TANC2: variants seen among roughly 807,000 people sequenced by gnomAD.
TANC2 encodes protein TANC2.
A neutral mutation model predicts 210.5 loss-of-function variants in TANC2; 26 were observed. The observed-to-expected ratio is 0.12, with a 90% confidence interval of 0.09 to 0.17. The LOEUF (loss-of-function observed/expected upper bound fraction) is 0.17. TANC2 is among the 10% of genes least tolerant of loss of function. The pLI is 1.00. For missense variants in TANC2, 2,129 were observed against 2,608.9 expected (o/e 0.82, Z 4.01); for synonymous variants, 931 against 967.1 (o/e 0.96, Z 0.69).
At chr17:62,988,622 A>G (rs557138619) in intron 1 of TANC2, among the ~76,000 whole-genome samples, 14 of 152,234 alleles carry the variant, frequency 9.2e-5, no homozygotes, top group Non-Finnish European at 1.8e-4. Flanking sequence ...GTATTAAGGC[A>G]TGGTAACAGT....
chr17:63,373,864 C>T (rs1331286030), intron 14 of TANC2, among the ~76,000 whole-genome samples: 1 of 151,954 alleles, frequency 6.6e-6, no homozygotes, highest in Non-Finnish European at 1.5e-5. Context: ...GCCCATAATC[C>T]CAGCTACTTG....
intron 5 of TANC2, among the ~76,000 whole-genome samples, chr17:63,162,310 A>G (rs956111782): frequency 1.3e-5 from 2 of 151,888 alleles, no homozygotes; most frequent in African/African-American, 4.8e-5. Context: ...CTGGAAAAAA[A>G]AAAAACAAAA....
At chr17:63,330,781 T>A (rs544820873) in intron 11 of TANC2, among the ~76,000 whole-genome samples, 1 of 152,286 alleles carries the variant, frequency 6.6e-6, no homozygotes, top group African/African-American at 2.4e-5. Flanking sequence ...TGATAATAAA[T>A]ATCTAAAATG....
intron 7 of TANC2, among the ~76,000 whole-genome samples, chr17:63,229,187 A>G (rs900084838): frequency 1.3e-5 from 2 of 152,176 alleles, no homozygotes; most frequent in Non-Finnish European, 2.9e-5. Flanking sequence ...TGAAATGATC[A>G]TGTGGTTTTT....
chr17:63,389,824 G>C (rs1019839137), intron 17 of TANC2: 12 of 405,526 alleles, frequency 3.0e-5, no homozygotes, highest in African/African-American at 2.4e-4. Flanking sequence ...GATCTATTGA[G>C]CTCAGAAGAA....
intron 12 of TANC2, among the ~76,000 whole-genome samples, chr17:63,349,302 T>C (rs1194001453): frequency 6.6e-6 from 1 of 152,224 alleles, no homozygotes; most frequent in East Asian, 1.9e-4. Flanking sequence ...TTCATTAAAA[T>C]GTCTGGACCA....
At chr17:63,370,921 C>A (rs1418058569) in intron 14 of TANC2, among the ~76,000 whole-genome samples, 1 of 152,198 alleles carries the variant, frequency 6.6e-6, no homozygotes, top group African/African-American at 2.4e-5. Context: ...AAGGAAGCCA[C>A]TTGCCAACAA....
intron 7 of TANC2, 142 bp downstream of exon 7, chr17:63,201,099 G>A: frequency 1.5e-6 from 1 of 670,990 alleles, no homozygotes. Flanking sequence ...TAATGATGCT[G>A]GAGAGAGAAA....
chr17:63,099,224 C>G (rs370460475), exon 4 of TANC2: 1 of 1,609,602 alleles, frequency 6.2e-7, no homozygotes, highest in Non-Finnish European at 8.5e-7. Flanking sequence ...ACTACGCTGT[C>G]CCGCCACTTC....
chr17:63,332,077 T>A, intron 11 of TANC2: 1 of 333,692 alleles, frequency 3.0e-6, no homozygotes, highest in South Asian at 3.0e-5. Flanking sequence ...TCTTCCTGAA[T>A]AATTTCATCC....
At chr17:62,979,940 T>C (rs1473936292) in intron 1 of TANC2, among the ~76,000 whole-genome samples, 1 of 152,178 alleles carries the variant, frequency 6.6e-6, no homozygotes, top group Non-Finnish European at 1.5e-5. Context: ...AATGAGTGAA[T>C]GGCAGCTTGC....
At chr17:63,056,735 C>CT (rs1380292723) in intron 2 of TANC2, among the ~76,000 whole-genome samples, 1 of 152,072 alleles carries the variant, frequency 6.6e-6, no homozygotes. Context: ...AAATTGGTGA[C>CT]TTTTTTTGTC....
intron 8 of TANC2, among the ~76,000 whole-genome samples, chr17:63,240,287 G>A (rs559199894): frequency 6.6e-6 from 1 of 152,164 alleles, no homozygotes; most frequent in African/African-American, 2.4e-5. Flanking sequence ...CTTAGTAGAA[G>A]ACAAAGAAGC....
chr17:63,080,743 A>G (rs1382556853), intron 3 of TANC2, among the ~76,000 whole-genome samples: 1 of 152,210 alleles, frequency 6.6e-6, no homozygotes, highest in Non-Finnish European at 1.5e-5. Context: ...AACTGTGGTT[A>G]ATTACGTAGA....
At chr17:63,266,272 T>C (rs1340832374) in intron 8 of TANC2, among the ~76,000 whole-genome samples, 2 of 152,202 alleles carry the variant, frequency 1.3e-5, no homozygotes, top group Admixed American at 1.3e-4. Flanking sequence ...CTACATTCTT[T>C]AGTAAAATGT....
intron 14 of TANC2, among the ~76,000 whole-genome samples, chr17:63,363,195 T>A (rs1332075358): frequency 6.6e-6 from 1 of 152,240 alleles, no homozygotes; most frequent in Non-Finnish European, 1.5e-5. Flanking sequence ...TGCCCATTTT[T>A]AAATCATATT....
chr17:63,004,817 C>T, intron 1 of TANC2: 1 of 332,194 alleles, frequency 3.0e-6, no homozygotes, highest in South Asian at 2.8e-5. Flanking sequence ...TCTTTCCTTT[C>T]TTTACCAAGG....
At chr17:63,015,109 G>A (rs970435059) in intron 2 of TANC2, among the ~76,000 whole-genome samples, 1 of 149,932 alleles carries the variant, frequency 6.7e-6, no homozygotes, top group African/African-American at 2.5e-5. Flanking sequence ...CTTATTTTTG[G>A]GGTTAATAAG....
At chr17:63,035,387 T>G (rs1182386181) in intron 2 of TANC2, among the ~76,000 whole-genome samples, 1 of 152,226 alleles carries the variant, frequency 6.6e-6, no homozygotes, top group Non-Finnish European at 1.5e-5. Flanking sequence ...GTGACTCGCT[T>G]TATTGCGATC....
Sources: gnomAD v4.1 joint callset for allele counts (sites outside exome capture counted in the v4.1 genomes callset) on GRCh38, gnomAD v4.1.1 for gene constraint, MANE v1.5 for transcripts, NCBI Gene and HGNC (gene_info 2026-07-23, HGNC 2026-07-21) for gene names.